FOXP2: variants seen among roughly 807,000 people sequenced by gnomAD.
The protein encoded by FOXP2 is forkhead box P2, also known as forkhead box protein P2.
In FOXP2, 12 loss-of-function variants were observed where a neutral mutation model predicts 115.8. The observed-to-expected ratio is 0.10, with a 90% CI of 0.07 to 0.17. The LOEUF (loss-of-function observed/expected upper bound fraction) is 0.17. Ranked by LOEUF, FOXP2 falls within the 10% of genes least tolerant of loss-of-function variation. FOXP2 has a pLI of 1.00. For synonymous variants in FOXP2, 328 were observed against 297.7 expected, an observed-to-expected ratio of 1.10 and a Z score of -1.05; for missense variants, 629 against 843.5, an observed-to-expected ratio of 0.75 and a Z score of 3.15.
chr7:114,582,311 G>A (rs1030116260), intron 3 of FOXP2, among the ~76,000 whole-genome samples: 2 of 152,120 alleles, frequency 1.3e-5, no homozygotes, highest in Admixed American at 6.6e-5. Context: ...TCTGTTTATA[G>A]TTTGTGACTA....
intron 2 of FOXP2, among the ~76,000 whole-genome samples, chr7:114,467,990 G>A (rs1795885766): frequency 6.6e-6 from 1 of 152,042 alleles, no homozygotes; most frequent in Admixed American, 6.6e-5. Context: ...ATTGTCCTCA[G>A]TCTACTGCTG....
At chr7:114,226,506 T>G (rs1794752857) in intron 1 of FOXP2, among the ~76,000 whole-genome samples, 1 of 152,178 alleles carries the variant, frequency 6.6e-6, no homozygotes, top group Non-Finnish European at 1.5e-5. Context: ...TGTTTTACCT[T>G]TCTCTAAATA....
chr7:114,413,890 A>T (rs910492664), upstream of FOXP2, among the ~76,000 whole-genome samples: 3 of 152,032 alleles, frequency 2.0e-5, no homozygotes, highest in African/African-American at 7.2e-5. Context: ...GTTTTGTCTC[A>T]CATTAAGTTG....
At chr7:114,673,948 C>A (rs201954652) in intron 16 of FOXP2, among the ~76,000 whole-genome samples, 2 of 152,154 alleles carry the variant, frequency 1.3e-5, no homozygotes, top group African/African-American at 4.8e-5. Flanking sequence ...GTGATCCACC[C>A]GCCTCGACCT....
chr7:114,683,073 C>T (rs1808181081), intron 16 of FOXP2, among the ~76,000 whole-genome samples: 1 of 152,044 alleles, frequency 6.6e-6, no homozygotes, highest in South Asian at 2.1e-4. Context: ...ACATTGTAGC[C>T]ATTGGGGAAA....
At chr7:114,295,904 T>C (rs993084176) in intron 2 of FOXP2, among the ~76,000 whole-genome samples, 8 of 152,196 alleles carry the variant, frequency 5.3e-5, no homozygotes, top group Non-Finnish European at 1.2e-4. Context: ...CTCCTTTGCC[T>C]GAAGACTGAT....
At chr7:114,261,864 G>T (rs965988871) in intron 1 of FOXP2, among the ~76,000 whole-genome samples, 7 of 152,030 alleles carry the variant, frequency 4.6e-5, no homozygotes, top group African/African-American at 1.7e-4. Context: ...CTCGAGACTA[G>T]CCTGGACAAC....
intron 1 of FOXP2, among the ~76,000 whole-genome samples, chr7:114,179,410 G>T (rs1231696720): frequency 6.6e-6 from 1 of 151,798 alleles, no homozygotes; most frequent in East Asian, 1.9e-4. Context: ...GTGTCATAAG[G>T]TACCATACTA....
chr7:114,346,822 G>T (rs1367101819), intron 2 of FOXP2, among the ~76,000 whole-genome samples: 3 of 151,698 alleles, frequency 2.0e-5, no homozygotes, highest in African/African-American at 7.3e-5. Flanking sequence ...GAGAGTGGTT[G>T]GTCAAAAGGG....
intron 2 of FOXP2, among the ~76,000 whole-genome samples, chr7:114,511,247 C>G (rs1026706873): frequency 6.6e-6 from 1 of 152,054 alleles, no homozygotes; most frequent in African/African-American, 2.4e-5. Context: ...GGAGAAATAC[C>G]TAATGTAGAT....
At chr7:114,582,804 G>C (rs1290224318) in intron 3 of FOXP2, among the ~76,000 whole-genome samples, 1 of 152,126 alleles carries the variant, frequency 6.6e-6, no homozygotes, top group Non-Finnish European at 1.5e-5. Flanking sequence ...GAAATATTAT[G>C]ATAGTTTCTT....
At chr7:114,370,428 G>A (rs1791976552) in intron 2 of FOXP2, among the ~76,000 whole-genome samples, 1 of 152,192 alleles carries the variant, frequency 6.6e-6, no homozygotes, top group Non-Finnish European at 1.5e-5. Flanking sequence ...TTAGTATAGT[G>A]TACCTGTGTT....
At chr7:114,383,988 A>G (rs575214248) in intron 2 of FOXP2, among the ~76,000 whole-genome samples, 10 of 152,256 alleles carry the variant, frequency 6.6e-5, no homozygotes, top group African/African-American at 2.4e-4. Context: ...GACCACAAAG[A>G]AAGGGGTCCG....
chr7:114,248,806 T>C (rs569315154), intron 1 of FOXP2, among the ~76,000 whole-genome samples: 1 of 152,288 alleles, frequency 6.6e-6, no homozygotes, highest in Admixed American at 6.5e-5. Flanking sequence ...GTTTTTACTG[T>C]TTTTATCCTC....
intron 3 of FOXP2, among the ~76,000 whole-genome samples, chr7:114,559,195 C>T (rs1441475446): frequency 1.3e-5 from 2 of 152,178 alleles, no homozygotes; most frequent in Admixed American, 6.5e-5. Context: ...ATATCACTTA[C>T]AGGAGCACTA....
intron 1 of FOXP2, among the ~76,000 whole-genome samples, chr7:114,106,040 G>A (rs1192510683): frequency 1.3e-5 from 2 of 152,064 alleles, no homozygotes; most frequent in African/African-American, 4.8e-5. Context: ...CCACACAGTG[G>A]AGGCTCAGCA....
At chr7:114,462,094 A>G (rs1795586746) in intron 2 of FOXP2, among the ~76,000 whole-genome samples, 3 of 151,626 alleles carry the variant, frequency 2.0e-5, no homozygotes, top group Non-Finnish European at 4.4e-5. Flanking sequence ...ATCCTGACCA[A>G]CATGGCGAAG....
intron 16 of FOXP2, among the ~76,000 whole-genome samples, chr7:114,687,272 A>G (rs1808417241): frequency 6.6e-6 from 1 of 152,164 alleles, no homozygotes; most frequent in African/African-American, 2.4e-5. Flanking sequence ...AAGAATGACA[A>G]TACACCTTAT....
intron 2 of FOXP2, among the ~76,000 whole-genome samples, chr7:114,340,670 G>A (rs996872216): frequency 3.3e-5 from 5 of 150,984 alleles, no homozygotes; most frequent in Non-Finnish European, 7.4e-5. Context: ...AGCATTTGTC[G>A]ATAATACTTT....
Sources: allele counts gnomAD v4.1 joint callset (sites outside exome capture counted in the v4.1 genomes callset), GRCh38; gene constraint gnomAD v4.1.1; transcripts MANE v1.5; gene names NCBI Gene and HGNC (gene_info 2026-07-23, HGNC 2026-07-21).